Variants in ZC3HC1 observed in about 807,000 individuals in gnomAD.
The protein encoded by ZC3HC1 is zinc finger C3HC-type containing 1.
Under a neutral mutation model 61.9 loss-of-function variants are expected in ZC3HC1, and 38 were observed. That is an observed-to-expected ratio of 0.61 (90% CI 0.47 to 0.81). The LOEUF is 0.81. Ranked by LOEUF, ZC3HC1 falls within the 30% of genes least tolerant of loss-of-function variation. The probability of loss-of-function intolerance (pLI) is 0.00; values close to 1 mark genes in which losing one functional copy is unlikely to be tolerated. For synonymous variants in ZC3HC1, 213 were observed against 229.9 expected (o/e 0.93, Z 0.67); for missense variants, 554 against 622.7 (o/e 0.89, Z 1.17).
At chr7:130,024,174 C>T in intron 7 of ZC3HC1, 89 bp downstream of exon 7, 1 of 1,480,438 alleles carries the variant, frequency 6.8e-7, no homozygotes, top group Non-Finnish European at 9.1e-7. Context: ...AGAAGCCTAT[C>T]CACCTAAATT....
rs566249735 is a variant in ZC3HC1 at position 130,047,630 on chromosome 7, A to T, written c.258+1403T>A. Among the ~76,000 whole-genome samples the T allele has an allele frequency of 2.1e-3, 275 of 133,622 alleles. 1 individual carries two copies. The highest frequency in any genetic ancestry group is 3.5e-3 in the Non-Finnish European group (224 of 63,268). The allele number at this position is 133,622 out of a possible 152,430, so 87.7% of individuals were successfully genotyped here. A position where few individuals can be genotyped will look rare whatever the true frequency, so the allele number is the denominator to read the frequency against. ...AGACCTGCCTGGGCAACATAGCAAG[A>T]CTTTGTCTACACACACACACACACA... On this transcript the variant is annotated intron_variant, in intron 2 of 9. Coordinates refer to ENST00000358303, the MANE Select transcript of ZC3HC1 (RefSeq NM_016478.5).
At chr7:130,037,451 AAAACAAACAAAC>A (rs150885654) in intron 4 of ZC3HC1, among the ~76,000 whole-genome samples, 2 of 151,874 alleles carry the variant, frequency 1.3e-5, no homozygotes, top group African/African-American at 4.8e-5. Flanking sequence ...CGTCTCAAGG[AAAACAAACAAAC>A]AAACAAACAA....
At chr7:130,032,744 T>C (rs1461773660) in intron 4 of ZC3HC1, among the ~76,000 whole-genome samples, 1 of 15,030 alleles carries the variant, frequency 6.7e-5, no homozygotes, top group Non-Finnish European at 1.3e-4. Flanking sequence ...GGAGGGACAG[T>C]AAGAGGGGAA....
intron 1 of ZC3HC1, 65 bp downstream of exon 1, chr7:130,051,156 C>A (rs1795059344): frequency 6.5e-7 from 1 of 1,534,962 alleles, no homozygotes; most frequent in Non-Finnish European, 8.7e-7. Context: ...CCCCAACCCG[C>A]CACCCCTTCC....
intron 2 of ZC3HC1, chr7:130,045,543 C>G: frequency 4.4e-6 from 2 of 457,424 alleles, no homozygotes; most frequent in Middle Eastern, 3.3e-4. Context: ...CAGTGGAAAA[C>G]AAGTGGCAAT....
At chr7:130,031,174 A>G (rs1202586297) in intron 4 of ZC3HC1, among the ~76,000 whole-genome samples, 1 of 151,806 alleles carries the variant, frequency 6.6e-6, no homozygotes, top group Non-Finnish European at 1.5e-5. Context: ...TACTAAAAAT[A>G]CAAAATTAGC....
chr7:130,030,728 C>T (rs1383863583), intron 4 of ZC3HC1, among the ~76,000 whole-genome samples: 6 of 150,330 alleles, frequency 4.0e-5, no homozygotes, highest in Admixed American at 1.3e-4. Context: ...AGTGCAGTGG[C>T]GTGATCTCGG....
intron 6 of ZC3HC1, 151 bp from the exon 7 acceptor site, chr7:130,024,657 C>T: frequency 1.2e-6 from 1 of 833,550 alleles, no homozygotes; most frequent in Non-Finnish European, 1.8e-6. Context: ...CAGGACCCAG[C>T]TTCATACTTC....
In ZC3HC1 at chr7:130,024,493, A is replaced by G. The variant is rs1793800398; in HGVS notation, c.790T>C (p.Ser264Pro). ...CGWACSSSLE[S>P]MQLSLITCSQ... ...CATGTTATCAGGGAGAGCTGCATGGATTCCAAAGAGGAACTAGATAGGAAT... is the reference window on the plus strand; with the variant it reads ...CATGTTATCAGGGAGAGCTGCATGGGTTCCAAAGAGGAACTAGATAGGAAT... Residue 264 changes from serine to proline, a missense_variant, in exon 7 of 10, where the codon TCC becomes CCC. Coordinates refer to ENST00000358303, the MANE Select transcript of ZC3HC1 (RefSeq NM_016478.5). 3.7e-6 allele frequency: 6 copies of G among 1,608,064 alleles called. No individual in the cohort carries two copies. Among genetic ancestry groups the G allele is most frequent in the Non-Finnish European group, 5.1e-6 (6 of 1,177,818 alleles).
intron 9 of ZC3HC1, among the ~76,000 whole-genome samples, 154 bp from the exon 10 acceptor site, chr7:130,018,886 A>G (rs552362521): frequency 1.8e-4 from 28 of 152,254 alleles, no homozygotes; most frequent in Admixed American, 1.4e-3. Context: ...GTCAGACTAA[A>G]GATCGAGGGG....
chr7:130,046,159 G>C (rs1282952263), intron 2 of ZC3HC1, among the ~76,000 whole-genome samples: 1 of 152,126 alleles, frequency 6.6e-6, no homozygotes, highest in African/African-American at 2.4e-5. Context: ...GTGGGAGTTG[G>C]GGGAGGGAAA....
intron 4 of ZC3HC1, among the ~76,000 whole-genome samples, chr7:130,033,285 C>T (rs967789253): frequency 2.6e-5 from 4 of 152,094 alleles, no homozygotes; most frequent in Non-Finnish European, 4.4e-5. Context: ...CTGCCCACTT[C>T]AGCCTCCGAA....
At chr7:130,041,524 C>CT (rs71175069) in intron 2 of ZC3HC1, among the ~76,000 whole-genome samples, 79,434 of 128,844 alleles carry the variant, frequency 0.62, 25,820 homozygotes, top group East Asian at 0.97. Flanking sequence ...TTAACTCATT[C>CT]TTTTTTTTTT....
At position 130,018,512 on chromosome 7, in the gene ZC3HC1, T is replaced by G; in HGVS notation, c.*152A>C. ...TCTCTCTCAGCCAGATGCAGATAGT[T>G]GACACTCACTGCCTTTGCTATGGCA... is the stretch of plus-strand genomic sequence containing the variant. On this transcript the variant is annotated 3_prime_UTR_variant, in exon 10 of 10. Transcript: ENST00000358303. 1 of 635,190 alleles carries G rather than the reference T, an allele frequency of 1.6e-6. No homozygotes were observed. The highest frequency in any genetic ancestry group is 2.8e-6 in the Non-Finnish European group (1 of 355,370). The allele number at this position is 635,190 out of a possible 1,614,324, so 39.3% of individuals were successfully genotyped here.
intron 4 of ZC3HC1, among the ~76,000 whole-genome samples, chr7:130,035,828 C>A (rs1284640301): frequency 6.6e-6 from 1 of 152,120 alleles, no homozygotes; most frequent in Non-Finnish European, 1.5e-5. Context: ...GGATTTGGAG[C>A]AAGTGGTCCT....
At chr7:130,024,710 A>G (rs923318582) in intron 6 of ZC3HC1, among the ~76,000 whole-genome samples, 1 of 151,994 alleles carries the variant, frequency 6.6e-6, no homozygotes, top group African/African-American at 2.4e-5. Context: ...TCGGGTTCTT[A>G]GTGTGCTCTC....
intron 1 of ZC3HC1, 108 bp downstream of exon 1, chr7:130,051,113 C>A: frequency 7.1e-7 from 1 of 1,400,206 alleles, no homozygotes; most frequent in Non-Finnish European, 9.6e-7. Flanking sequence ...GAAGCCATCC[C>A]CACTGCCCGA....
intron 3 of ZC3HC1, 28 bp from the exon 4 acceptor site, chr7:130,039,575 T>C (rs776367209): frequency 1.4e-5 from 22 of 1,562,632 alleles, no homozygotes; most frequent in Non-Finnish European, 1.7e-5. Flanking sequence ...AGCAACACCT[T>C]AAAAAACACT....
chr7:130,049,957 T>A (rs1795012912), intron 1 of ZC3HC1, among the ~76,000 whole-genome samples: 2 of 149,606 alleles, frequency 1.3e-5, no homozygotes, highest in South Asian at 2.1e-4. Context: ...AAAATTCGAA[T>A]CAAAGATCTT....
Sources: allele counts gnomAD v4.1 joint callset (sites outside exome capture counted in the v4.1 genomes callset), GRCh38; gene constraint gnomAD v4.1.1; transcripts MANE v1.5; gene names NCBI Gene and HGNC (gene_info 2026-07-23, HGNC 2026-07-21).